RAPGEF5: variants seen among roughly 807,000 people sequenced by gnomAD.
The protein encoded by RAPGEF5 is M-Ras-regulated GEF.
Under a neutral mutation model 125.2 loss-of-function variants are expected in RAPGEF5, and 65 were observed. The observed-to-expected ratio is 0.52, with a 90% CI of 0.43 to 0.64. The LOEUF (loss-of-function observed/expected upper bound fraction) is 0.64, where lower values mean the gene tolerates loss of function less well. Ranked by LOEUF, RAPGEF5 falls within the 30% of genes least tolerant of loss-of-function variation. The pLI is 0.00. For synonymous variants in RAPGEF5, 391 were observed against 385.9 expected (o/e 1.01, Z -0.16); for missense variants, 958 against 1,048.1 (o/e 0.91, Z 1.19).
intron 1 of RAPGEF5, among the ~76,000 whole-genome samples, chr7:22,355,738 C>A (rs1784408976): frequency 6.6e-6 from 1 of 152,166 alleles, no homozygotes; most frequent in African/African-American, 2.4e-5. Context: ...AGACCGACAT[C>A]AGTTCAGACC....
intron 7 of RAPGEF5, among the ~76,000 whole-genome samples, chr7:22,240,658 C>A (rs1786308315): frequency 6.6e-6 from 1 of 152,146 alleles, no homozygotes; most frequent in Admixed American, 6.5e-5. Context: ...CAGGAGTGAG[C>A]CACCATGACT....
intron 1 of RAPGEF5, among the ~76,000 whole-genome samples, chr7:22,336,403 G>T (rs560015399): frequency 1.3e-5 from 2 of 152,080 alleles, no homozygotes; most frequent in Admixed American, 6.5e-5. Flanking sequence ...TATGAAGAAG[G>T]GTCCTTTATT....
intron 5 of RAPGEF5, among the ~76,000 whole-genome samples, chr7:22,293,990 C>G (rs1782993305): frequency 6.6e-6 from 1 of 152,104 alleles, no homozygotes; most frequent in African/African-American, 2.4e-5. Flanking sequence ...TTCAGTGCAA[C>G]CCAGGAAAGA....
chr7:22,326,848 G>A (rs1783823824), intron 1 of RAPGEF5, among the ~76,000 whole-genome samples: 1 of 152,222 alleles, frequency 6.6e-6, no homozygotes, highest in African/African-American at 2.4e-5. Context: ...AGTCTGCTGA[G>A]AGAGTAGATC....
chr7:22,162,808 A>G (rs1583432160), intron 12 of RAPGEF5, among the ~76,000 whole-genome samples: 1 of 152,342 alleles, frequency 6.6e-6, no homozygotes, highest in East Asian at 1.9e-4. Context: ...CATAGGCAAC[A>G]TGCAGTTAAT....
At chr7:22,302,772 C>A (rs1783240811) in intron 5 of RAPGEF5, among the ~76,000 whole-genome samples, 1 of 148,900 alleles carries the variant, frequency 6.7e-6, no homozygotes, top group Admixed American at 6.7e-5. Flanking sequence ...TCCCCCCACC[C>A]CACCCCCGCC....
chr7:22,124,362 T>C (rs1050289965), intron 25 of RAPGEF5, among the ~76,000 whole-genome samples: 2 of 152,244 alleles, frequency 1.3e-5, no homozygotes, highest in Admixed American at 6.5e-5. Flanking sequence ...TTACTATTTT[T>C]ATTGTAACTG....
intron 6 of RAPGEF5, among the ~76,000 whole-genome samples, chr7:22,289,621 C>T (rs1189511713): frequency 1.4e-5 from 2 of 142,966 alleles, no homozygotes; most frequent in African/African-American, 2.8e-5. Context: ...TATTTTAAAC[C>T]GAAAAGTTCT....
chr7:22,175,482 A>G (rs1784474876), intron 11 of RAPGEF5, among the ~76,000 whole-genome samples: 1 of 152,220 alleles, frequency 6.6e-6, no homozygotes, highest in African/African-American at 2.4e-5. Flanking sequence ...AATAATCAAT[A>G]CAATTATCAT....
intron 17 of RAPGEF5, among the ~76,000 whole-genome samples, chr7:22,153,115 G>A (rs1389653088): frequency 2.6e-5 from 4 of 152,102 alleles, no homozygotes; most frequent in Admixed American, 1.3e-4. Context: ...CAAAGGAGAC[G>A]GGTCTCAGTT....
chr7:22,169,797 T>C (rs1784288724), intron 11 of RAPGEF5, among the ~76,000 whole-genome samples: 2 of 132,032 alleles, frequency 1.5e-5, no homozygotes, highest in Non-Finnish European at 1.5e-5. Context: ...GCGGTGGAAG[T>C]TGCAGTGAGC....
chr7:22,352,389 G>A (rs1246109052), intron 1 of RAPGEF5, among the ~76,000 whole-genome samples: 2 of 151,228 alleles, frequency 1.3e-5, no homozygotes, highest in Non-Finnish European at 2.9e-5. Flanking sequence ...GTAAAAGATG[G>A]GGAAATGAAC....
chr7:22,149,329 A>G (rs1783544609), intron 18 of RAPGEF5, among the ~76,000 whole-genome samples: 1 of 152,240 alleles, frequency 6.6e-6, no homozygotes. Context: ...CCTACGTGGT[A>G]TGCAGGTTTC....
intron 10 of RAPGEF5, 141 bp downstream of exon 10, chr7:22,193,774 A>T: frequency 6.3e-7 from 1 of 1,587,218 alleles, no homozygotes; most frequent in Non-Finnish European, 8.6e-7. Flanking sequence ...AGTCAGCTAG[A>T]ACGCTGGAGA....
intron 5 of RAPGEF5, among the ~76,000 whole-genome samples, chr7:22,304,452 G>A (rs897426596): frequency 2.0e-5 from 3 of 152,198 alleles, no homozygotes; most frequent in Non-Finnish European, 4.4e-5. Context: ...AAGTAATCTG[G>A]AGTTATTATT....
At chr7:22,310,220 G>A (rs1228875790) in intron 3 of RAPGEF5, 130 bp from the exon 4 acceptor site, 35 of 939,134 alleles carry the variant, frequency 3.7e-5, no homozygotes, top group Non-Finnish European at 5.0e-5. Context: ...AGAATAAATG[G>A]CATATACCTC....
intron 5 of RAPGEF5, among the ~76,000 whole-genome samples, chr7:22,303,324 C>A (rs1224282610): frequency 6.6e-6 from 1 of 152,162 alleles, no homozygotes; most frequent in Admixed American, 6.5e-5. Context: ...CTGATTCAGT[C>A]ACTTTTTTTT....
chr7:22,147,512 G>A (rs1427610718), intron 18 of RAPGEF5, among the ~76,000 whole-genome samples: 3 of 152,158 alleles, frequency 2.0e-5, no homozygotes, highest in Non-Finnish European at 4.4e-5. Flanking sequence ...TTATTAAAAT[G>A]CCCATAGAAA....
At chr7:22,147,527 A>G (rs1024245286) in intron 18 of RAPGEF5, among the ~76,000 whole-genome samples, 3 of 152,244 alleles carry the variant, frequency 2.0e-5, no homozygotes, top group African/African-American at 4.8e-5. Context: ...TAGAAAGTAA[A>G]AAAGTTTTAA....
Sources: allele counts gnomAD v4.1 joint callset (sites outside exome capture counted in the v4.1 genomes callset), GRCh38; gene constraint gnomAD v4.1.1; transcripts MANE v1.5; gene names NCBI Gene and HGNC (gene_info 2026-07-23, HGNC 2026-07-21).